The following TMEM132D variants were observed in gnomAD, a reference collection of about 807,000 sequenced individuals.
TMEM132D encodes transmembrane protein 132D.
In TMEM132D, 21 loss-of-function variants were observed where a neutral mutation model predicts 62.3. The ratio of observed to expected loss-of-function variants is 0.34; its 90% confidence interval spans 0.24 to 0.49. TMEM132D has a LOEUF of 0.49. Among genes scored for constraint, TMEM132D ranks in the 20% least tolerant of loss-of-function variants. The probability of loss-of-function intolerance (pLI) is 0.99; values close to 1 mark genes in which losing one functional copy is unlikely to be tolerated. For synonymous variants in TMEM132D, 621 were observed against 575.6 expected, an observed-to-expected ratio of 1.08 and a Z score of -1.13; for missense variants, 1,346 against 1,402.8, an observed-to-expected ratio of 0.96 and a Z score of 0.65.
chr12:129,679,568 C>T (rs1322668009), intron 2 of TMEM132D, among the ~76,000 whole-genome samples: 1 of 151,892 alleles, frequency 6.6e-6, no homozygotes, highest in Non-Finnish European at 1.5e-5. Flanking sequence ...TTCTTTTAAT[C>T]CCTTTGCCTT....
At chr12:129,828,695 GGGAGGGAGGGAGAAGGAAGGGAGGAAA>G (rs1566000081) in intron 1 of TMEM132D, among the ~76,000 whole-genome samples, 35 of 85,180 alleles carry the variant, frequency 4.1e-4, no homozygotes, top group East Asian at 1.1e-3. Flanking sequence ...AAGGAAGGGA[GGGAGGGAGGGAGAAGGAAGGGAGGAAA>G]GGAGGGAGGG....
At chr12:129,444,001 A>G (rs556674986) in intron 3 of TMEM132D, among the ~76,000 whole-genome samples, 29 of 152,350 alleles carry the variant, frequency 1.9e-4, no homozygotes, top group African/African-American at 7.0e-4. Flanking sequence ...TTGACAAGCA[A>G]TGGGGAAAGG....
chr12:129,809,153 C>A (rs1045237894), intron 1 of TMEM132D, among the ~76,000 whole-genome samples: 1 of 151,876 alleles, frequency 6.6e-6, no homozygotes, highest in African/African-American at 2.4e-5. Flanking sequence ...ACTAAAAACA[C>A]AAAAATTAGC....
chr12:129,281,265 C>T (rs532673121), intron 4 of TMEM132D, among the ~76,000 whole-genome samples: 1 of 152,110 alleles, frequency 6.6e-6, no homozygotes, highest in South Asian at 2.1e-4. Flanking sequence ...CTTTATCTTA[C>T]CCCCACTTCA....
intron 3 of TMEM132D, among the ~76,000 whole-genome samples, chr12:129,407,425 C>A (rs1454319706): frequency 6.6e-6 from 1 of 152,116 alleles, no homozygotes; most frequent in Non-Finnish European, 1.5e-5. Context: ...GGAAAAGTCA[C>A]CAGGTGGAGC....
chr12:129,216,075 G>A (rs553546730), intron 4 of TMEM132D, among the ~76,000 whole-genome samples: 16 of 152,308 alleles, frequency 1.1e-4, no homozygotes, highest in Non-Finnish European at 1.6e-4. Flanking sequence ...GACTGCCTGC[G>A]TTTGAATCCT....
At chr12:129,486,587 C>G (rs1425618884) in intron 3 of TMEM132D, among the ~76,000 whole-genome samples, 1 of 152,186 alleles carries the variant, frequency 6.6e-6, no homozygotes, top group Non-Finnish European at 1.5e-5. Flanking sequence ...AGCCTGAAAT[C>G]TCGGCTCTGT....
intron 1 of TMEM132D, among the ~76,000 whole-genome samples, chr12:129,870,148 A>G (rs148010556): frequency 0.021 from 3,173 of 151,994 alleles, 120 homozygotes; most frequent in African/African-American, 0.073. Flanking sequence ...ATGCCCAGCT[A>G]ATTTTTGTAT....
chr12:129,166,346 T>A (rs1160348813), intron 5 of TMEM132D, among the ~76,000 whole-genome samples: 1 of 152,092 alleles, frequency 6.6e-6, no homozygotes, highest in African/African-American at 2.4e-5. Flanking sequence ...GGCTACTGTT[T>A]GACAGGCATG....
intron 3 of TMEM132D, among the ~76,000 whole-genome samples, chr12:129,367,929 G>T (rs902459737): frequency 6.6e-6 from 1 of 151,888 alleles, no homozygotes. Context: ...GGAATCACAC[G>T]CACCTGCCAC....
intron 1 of TMEM132D, among the ~76,000 whole-genome samples, chr12:129,807,888 G>A (rs1317218789): frequency 2.0e-5 from 3 of 152,176 alleles, no homozygotes; most frequent in Non-Finnish European, 2.9e-5. Flanking sequence ...TTAGTATTCA[G>A]CATCATAGGA....
chr12:129,683,111 C>T (rs991208767), intron 2 of TMEM132D: 1 of 151,802 alleles, frequency 6.6e-6, no homozygotes, highest in Non-Finnish European at 1.5e-5. Context: ...TTTTAGTTAG[C>T]TCAGTCACTT....
At chr12:129,478,397 T>C (rs1468797621) in intron 3 of TMEM132D, among the ~76,000 whole-genome samples, 3 of 152,232 alleles carry the variant, frequency 2.0e-5, no homozygotes, top group Non-Finnish European at 4.4e-5. Flanking sequence ...TTTGGTTCCA[T>C]TATAACCTTA....
chr12:129,326,960 G>A (rs548119370), intron 4 of TMEM132D, among the ~76,000 whole-genome samples: 2 of 152,296 alleles, frequency 1.3e-5, no homozygotes, highest in Admixed American at 1.3e-4. Context: ...TCAGATACTT[G>A]CGCCTCTATG....
intron 2 of TMEM132D, among the ~76,000 whole-genome samples, chr12:129,555,206 C>T (rs1220402751): frequency 3.3e-5 from 5 of 152,168 alleles, no homozygotes; most frequent in Non-Finnish European, 7.3e-5. Context: ...ACTCAACAGC[C>T]CGATGGTATT....
intron 5 of TMEM132D, among the ~76,000 whole-genome samples, chr12:129,201,163 T>C (rs1478970009): frequency 6.6e-6 from 1 of 152,244 alleles, no homozygotes; most frequent in African/African-American, 2.4e-5. Context: ...TGGTGGATAC[T>C]GGTTTATTCA....
At chr12:129,175,035 T>A (rs1877863589) in intron 5 of TMEM132D, among the ~76,000 whole-genome samples, 1 of 152,226 alleles carries the variant, frequency 6.6e-6, no homozygotes, top group Non-Finnish European at 1.5e-5. Context: ...GCCTGTTCAC[T>A]CTTATGATAG....
chr12:129,859,000 G>T (rs188203296), intron 1 of TMEM132D, among the ~76,000 whole-genome samples: 3,432 of 112,312 alleles, frequency 0.031, 260 homozygotes, highest in South Asian at 0.11. Flanking sequence ...GAGTCCGGGG[G>T]AACGGGATGG....
At chr12:129,446,537 C>T (rs11060352) in intron 3 of TMEM132D, among the ~76,000 whole-genome samples, 15,027 of 152,164 alleles carry the variant, frequency 0.099, 1,212 homozygotes, top group East Asian at 0.4. Context: ...ACACATAACC[C>T]ATGTTTATTA....
Sources: allele counts gnomAD v4.1 joint callset (sites outside exome capture counted in the v4.1 genomes callset), GRCh38; gene constraint gnomAD v4.1.1; transcripts MANE v1.5; gene names NCBI Gene and HGNC (gene_info 2026-07-23, HGNC 2026-07-21).